MERTK: variants seen among roughly 807,000 people sequenced by gnomAD.
MERTK encodes tyrosine-protein kinase Mer.
Under a neutral mutation model 99.3 loss-of-function variants are expected in MERTK, and 69 were observed. The observed-to-expected ratio is 0.70, with a 90% CI of 0.57 to 0.85. MERTK has a LOEUF of 0.85. MERTK is among the 40% of genes least tolerant of loss of function. The probability of loss-of-function intolerance (pLI) is 0.00; values close to 1 mark genes in which losing one functional copy is unlikely to be tolerated. For missense variants in MERTK, 1,125 were observed against 1,249.4 expected (o/e 0.90, Z 1.50); for synonymous variants, 426 against 467.6 (o/e 0.91, Z 1.15).
rs1333454617 is a variant in MERTK, at chr2:111,974,050, CA to C, written c.961-1237del. Among the ~76,000 whole-genome samples the C allele has an allele frequency of 9.0e-5, 13 of 144,060 alleles. No individual in the cohort carries two copies. In the East Asian group the frequency reaches 2.5e-3, roughly 28 times the overall value. 94.5% of individuals were successfully genotyped at this position (144,060 alleles called of 152,430 possible). A position where few individuals can be genotyped will look rare whatever the true frequency, so the allele number is the denominator to read the frequency against. Reference sequence around the variant, plus strand: ...ATTTCCTGTGTGTGCCTCTGGAATTCAATTTCTGTTGGGGTCGAAGGGGTTA... The same window carrying C: ...ATTTCCTGTGTGTGCCTCTGGAATTCATTTCTGTTGGGGTCGAAGGGGTTA... On this transcript the variant is annotated intron_variant, in intron 6 of 18. Transcript: ENST00000295408.
chr2:111,899,330 C>CCG, intron 1 of MERTK, among the ~76,000 whole-genome samples: 1 of 151,934 alleles, frequency 6.6e-6, no homozygotes, highest in South Asian at 2.1e-4. Flanking sequence ...AGCGACGGGC[C>CCG]AGGGGGGGAC....
intron 2 of MERTK, among the ~76,000 whole-genome samples, chr2:111,942,551 T>C (rs1158122289): frequency 6.6e-6 from 1 of 152,212 alleles, no homozygotes; most frequent in East Asian, 1.9e-4. Flanking sequence ...CTGTGTATTC[T>C]CTTTTCATCT....
chr2:111,955,774 T>G (rs1685136464), intron 4 of MERTK, among the ~76,000 whole-genome samples: 4 of 152,156 alleles, frequency 2.6e-5, no homozygotes, highest in Admixed American at 2.6e-4. Context: ...AGTTTCTTTT[T>G]TAAAGAATTT....
rs890258715 is a variant in MERTK, at chr2:112,021,426, C to T, written c.2194C>T (p.Arg732Ter). The T allele has an allele frequency of 2.5e-6, 4 of 1,613,078 alleles. No homozygotes were observed. In the South Asian group the frequency reaches 3.3e-5, roughly 13 times the overall value. The part of the protein sequence containing the change: ...RDLAARNCML[R>*]DDMTVCVADF... ...GACGTAACCTGCTCTCTGTAGGTTG[C>T]GAGATGACATGACTGTCTGTGTTGC... The change falls in exon 17 of 19, where the codon CGA becomes TGA. Residue 732 changes from arginine (R) to a stop codon, truncating the protein, a stop_gained. Coordinates refer to ENST00000295408, the MANE Select transcript of MERTK (RefSeq NM_006343.3). LOFTEE classifies it high-confidence loss of function.
At chr2:111,912,947 C>A in intron 1 of MERTK, 1 of 779,550 alleles carries the variant, frequency 1.3e-6, no homozygotes, top group Non-Finnish European at 1.6e-6. Context: ...AGTCGTTTAG[C>A]ATCTGGGAAC....
At chr2:111,959,887 A>G (rs1685212508) in intron 4 of MERTK, among the ~76,000 whole-genome samples, 1 of 152,148 alleles carries the variant, frequency 6.6e-6, no homozygotes, top group Non-Finnish European at 1.5e-5. Context: ...TAGAAATTAA[A>G]ACTGAAAACT....
At chr2:111,974,038 G>A (rs1167109974) in intron 6 of MERTK, among the ~76,000 whole-genome samples, 1 of 149,302 alleles carries the variant, frequency 6.7e-6, no homozygotes, top group Non-Finnish European at 1.5e-5. Context: ...TCCTGTGTGT[G>A]CCTCTGGAAT....
rs1172752905 is a variant in MERTK, at chr2:111,995,731, C to G, written c.1450+1327C>G. Among the ~76,000 whole-genome samples, 2 of 152,188 alleles carry G rather than the reference C, an allele frequency of 1.3e-5. 1 individual carries two copies. The highest frequency in any genetic ancestry group is 4.8e-5 in the African/African-American group (2 of 41,438). On this transcript the variant is annotated intron_variant, in intron 9 of 18. Coordinates refer to ENST00000295408, the MANE Select transcript of MERTK (RefSeq NM_006343.3). ...TTGGGAGGCCAAGGCAGGCAGATCA[C>G]TTGAACTCAGGAGTTCAAGACCAGC...
intron 13 of MERTK, among the ~76,000 whole-genome samples, chr2:112,004,275 C>CTCTTTCTCTCACTCTT: frequency 6.6e-6 from 1 of 151,998 alleles, no homozygotes; most frequent in South Asian, 2.1e-4. Flanking sequence ...CTCTCACTCT[C>CTCTTTCTCTCACTCTT]ATCTAGTAGA....
At chr2:111,915,800 C>G (rs957500901) in intron 1 of MERTK, among the ~76,000 whole-genome samples, 2 of 152,106 alleles carry the variant, frequency 1.3e-5, no homozygotes, top group Non-Finnish European at 2.9e-5. Context: ...GGAGCTGAGG[C>G]AGGAGAATCA....
At chr2:111,907,231 A>G (rs572831251) in intron 1 of MERTK, among the ~76,000 whole-genome samples, 4 of 152,238 alleles carry the variant, frequency 2.6e-5, no homozygotes, top group East Asian at 3.9e-4. Flanking sequence ...CCTGACCAAC[A>G]TGGTAAAACC....
At chr2:111,949,993 A>C (rs1288275503) in intron 4 of MERTK, among the ~76,000 whole-genome samples, 1 of 152,094 alleles carries the variant, frequency 6.6e-6, no homozygotes, top group East Asian at 1.9e-4. Flanking sequence ...GCTGGAGTGC[A>C]GTGGCTCAAT....
rs886402770 is a variant in MERTK at position 111,947,694 on chromosome 2, G to T, written c.757+127G>T. The T allele has an allele frequency of 4.5e-6, 5 of 1,117,104 alleles. No individual in the cohort carries two copies. In the Admixed American group the frequency reaches 5.7e-5, roughly 13 times the overall value. The allele number at this position is 1,117,104 out of a possible 1,614,324, so 69.2% of individuals were successfully genotyped here. On this transcript the variant is annotated intron_variant, in intron 4 of 18. Transcript: ENST00000295408. ...ATGAAAATACAGGTGTGGCAGCAAA[G>T]TTATGGGACCAGGTAGACGGGAAGG...
chr2:111,964,853 G>A (rs1360799861), intron 4 of MERTK, among the ~76,000 whole-genome samples: 1 of 152,190 alleles, frequency 6.6e-6, no homozygotes, highest in Non-Finnish European at 1.5e-5. Context: ...TAGGCAGCAG[G>A]ATCAGGTGAG....
chr2:111,972,028 A>ATTTG (rs967477075), intron 6 of MERTK, among the ~76,000 whole-genome samples: 25 of 152,002 alleles, frequency 1.6e-4, no homozygotes, highest in African/African-American at 4.8e-4. Flanking sequence ...ACATTTATTT[A>ATTTG]TTTGTTTGTT....
intron 4 of MERTK, among the ~76,000 whole-genome samples, chr2:111,951,629 A>G (rs1029045505): frequency 6.7e-6 from 1 of 149,346 alleles, no homozygotes; most frequent in East Asian, 1.9e-4. Context: ...TAATGCTGCA[A>G]TGAATATGGG....
chr2:111,911,688 C>CAT (rs1558768143), intron 1 of MERTK, among the ~76,000 whole-genome samples: 4 of 120,198 alleles, frequency 3.3e-5, no homozygotes, highest in African/African-American at 1.1e-4. Flanking sequence ...TAGCGCCCAG[C>CAT]CTTTTTTTTT....
chr2:112,016,563 T>A (rs1173909383), intron 15 of MERTK, among the ~76,000 whole-genome samples: 1 of 152,184 alleles, frequency 6.6e-6, no homozygotes, highest in Non-Finnish European at 1.5e-5. Context: ...AACATGCTTC[T>A]CCAGGAGGGC....
chr2:111,913,116 A>T (rs769207244), intron 1 of MERTK: 9 of 976,114 alleles, frequency 9.2e-6, no homozygotes. Context: ...AGTAGAAGAT[A>T]TTGAACATAG....
Sources: allele counts gnomAD v4.1 joint callset (sites outside exome capture counted in the v4.1 genomes callset), GRCh38; gene constraint gnomAD v4.1.1; transcripts MANE v1.5; gene names NCBI Gene and HGNC (gene_info 2026-07-23, HGNC 2026-07-21).